CCDC39: variants seen among roughly 807,000 people sequenced by gnomAD.
CCDC39 encodes coiled-coil domain-containing protein 39.
CCDC39 carries 113 observed loss-of-function variants against 121.0 expected under a neutral mutation model. The observed-to-expected ratio is 0.93, with a 90% CI of 0.80 to 1.09. The LOEUF (loss-of-function observed/expected upper bound fraction) is 1.09. Among genes scored for constraint, CCDC39 ranks in the 50% least tolerant of loss-of-function variants. The pLI, the probability that CCDC39 is intolerant of heterozygous loss-of-function variation, is 0.00. For synonymous variants in CCDC39, 349 were observed against 352.2 expected (o/e 0.99, Z 0.10); for missense variants, 1,063 against 1,074.7 (o/e 0.99, Z 0.15).
chr3:180,619,782 T>C (rs1717381269), intron 15 of CCDC39, 29 bp downstream of exon 15: 1 of 1,359,040 alleles, frequency 7.4e-7, no homozygotes, highest in South Asian at 1.4e-5. Context: ...ACTGTATATA[T>C]GTATAAAAAA....
At chr3:180,618,036 T>C (rs1204723416) in intron 16 of CCDC39, among the ~76,000 whole-genome samples, 1 of 152,146 alleles carries the variant, frequency 6.6e-6, no homozygotes, top group East Asian at 1.9e-4. Context: ...TTTAGATTTG[T>C]TTAGATACAC....
chr3:180,615,239 A>C (rs572624843), intron 19 of CCDC39, among the ~76,000 whole-genome samples, 162 bp from the exon 20 acceptor site: 2 of 152,292 alleles, frequency 1.3e-5, no homozygotes, highest in South Asian at 4.1e-4. Context: ...GATATCAAAC[A>C]ATTTAAACAG....
chr3:180,625,996 G>T (rs1717549685), intron 14 of CCDC39, among the ~76,000 whole-genome samples: 1 of 152,014 alleles, frequency 6.6e-6, no homozygotes, highest in Admixed American at 6.6e-5. Flanking sequence ...TGGGAATGGT[G>T]GGCCCGACAT....
chr3:180,658,296 A>G lies in CCDC39; in HGVS notation c.738+1156T>C, dbSNP rs561841138. On this transcript the variant is annotated intron_variant, in intron 6 of 19. Coordinates refer to ENST00000476379, the MANE Select transcript of CCDC39 (RefSeq NM_181426.2). ...AAGAACCTCCTTAAAAAAAAAAAAA[A>G]AGAATTAAGAGAACCTCTGCCAGGC... Among the ~76,000 whole-genome samples the G allele has an allele frequency of 8.7e-5, 13 of 148,778 alleles. 1 individual carries two copies. In the South Asian group the frequency reaches 2.8e-3, roughly 32 times the overall value.
At chr3:180,622,383 C>T (rs1340989621) in intron 14 of CCDC39, among the ~76,000 whole-genome samples, 1 of 151,924 alleles carries the variant, frequency 6.6e-6, no homozygotes, top group East Asian at 1.9e-4. Flanking sequence ...TCCTCTTTTC[C>T]TATTTGAAAG....
chr3:180,616,670 CG>C lies in CCDC39; in HGVS notation c.2431del (p.Arg811ValfsTer3). On this transcript the variant is annotated frameshift_variant, in exon 18 of 20. Coordinates refer to ENST00000476379, the MANE Select transcript of CCDC39 (RefSeq NM_181426.2). LOFTEE classifies it high-confidence loss of function. ...TTCATCTTTTGTGTCTTTCAAAAGA[CG>C]GATTTCCTTTGTGAGTTTTGCACAC... ...KQCAKLTKEIRLLKDTKDETM... is the reference protein window; with the variant it reads ...KQCAKLTKEIXLLKDTKDETM... 6.3e-7 allele frequency: 1 copy of C among 1,590,846 alleles called. No homozygotes were observed. The highest frequency in any genetic ancestry group is 1.1e-5 in the South Asian group (1 of 88,480).
chr3:180,661,742 G>C, intron 3 of CCDC39, 119 bp downstream of exon 3: 1 of 839,778 alleles, frequency 1.2e-6, no homozygotes, highest in Non-Finnish European at 1.8e-6. Flanking sequence ...AAATACGTAA[G>C]TAAACACTAG....
chr3:180,640,379 G>A (rs1039474933), intron 13 of CCDC39, among the ~76,000 whole-genome samples: 2 of 151,876 alleles, frequency 1.3e-5, no homozygotes, highest in Non-Finnish European at 2.9e-5. Flanking sequence ...AATGAGCTAA[G>A]CATCTGAAGA....
chr3:180,634,238 T>G (rs1717774089), intron 13 of CCDC39, among the ~76,000 whole-genome samples: 1 of 147,632 alleles, frequency 6.8e-6, no homozygotes, highest in East Asian at 2.2e-4. Context: ...ACCAAAAGCT[T>G]CTGCCACTGG....
intron 16 of CCDC39, among the ~76,000 whole-genome samples, chr3:180,618,856 A>G (rs755988678): frequency 9.9e-5 from 15 of 152,156 alleles, no homozygotes; most frequent in Non-Finnish European, 2.1e-4. Flanking sequence ...TGAATAGACA[A>G]TGCACATTCT....
intron 14 of CCDC39, among the ~76,000 whole-genome samples, chr3:180,625,348 CTTT>C (rs1177536800): frequency 3.3e-5 from 4 of 122,352 alleles, no homozygotes; most frequent in Admixed American, 2.4e-4. Context: ...GTCTATTTTT[CTTT>C]TTTTTTTTTT....
chr3:180,654,483 C>T (rs551087537), intron 7 of CCDC39, among the ~76,000 whole-genome samples: 1 of 151,490 alleles, frequency 6.6e-6, no homozygotes, highest in African/African-American at 2.4e-5. Context: ...GGAAAAGGAA[C>T]CACCAACAAA....
intron 13 of CCDC39, among the ~76,000 whole-genome samples, chr3:180,635,276 G>A (rs1339968754): frequency 2.0e-5 from 3 of 152,102 alleles, no homozygotes; most frequent in Non-Finnish European, 4.4e-5. Context: ...ATGAGACTTG[G>A]GTGGGGACAC....
At chr3:180,616,184 G>T in intron 19 of CCDC39, 97 bp downstream of exon 19, 1 of 961,338 alleles carries the variant, frequency 1.0e-6, no homozygotes, top group African/African-American at 1.6e-5. Context: ...GTGAGTGCAT[G>T]GGCCTGCCTA....
intron 16 of CCDC39, chr3:180,617,417 G>A (rs997835740): frequency 3.0e-6 from 2 of 669,136 alleles, no homozygotes; most frequent in Non-Finnish European, 5.4e-6. Flanking sequence ...CTATAAAACA[G>A]CCTCAGGCAG....
intron 6 of CCDC39, among the ~76,000 whole-genome samples, chr3:180,656,658 G>A (rs568337729): frequency 1.3e-5 from 2 of 152,256 alleles, no homozygotes; most frequent in East Asian, 3.9e-4. Flanking sequence ...TGAGACAGGA[G>A]GTTGGCTCAA....
intron 1 of CCDC39, among the ~76,000 whole-genome samples, chr3:180,672,912 G>A (rs1226515702): frequency 6.6e-6 from 1 of 152,178 alleles, no homozygotes; most frequent in Non-Finnish European, 1.5e-5. Flanking sequence ...ATTAATAGGA[G>A]TTTAGAAGAA....
chr3:180,672,382 T>G (rs1046690401), intron 1 of CCDC39, among the ~76,000 whole-genome samples: 1 of 152,102 alleles, frequency 6.6e-6, no homozygotes, highest in African/African-American at 2.4e-5. Context: ...TCACTTGAGG[T>G]CAGGAGTTCA....
chr3:180,663,657 G>A (rs1264817645), intron 2 of CCDC39, among the ~76,000 whole-genome samples: 9 of 147,444 alleles, frequency 6.1e-5, no homozygotes, highest in Admixed American at 3.4e-4. Flanking sequence ...GAAACAGAGC[G>A]AGACTTCATC....
Sources: gnomAD v4.1 joint callset for allele counts (sites outside exome capture counted in the v4.1 genomes callset) on GRCh38, gnomAD v4.1.1 for gene constraint, MANE v1.5 for transcripts, NCBI Gene and HGNC (gene_info 2026-07-23, HGNC 2026-07-21) for gene names.